Variants in SSBP2 observed in about 807,000 individuals in gnomAD.
SSBP2 encodes the protein single stranded DNA binding protein 2.
Under a neutral mutation model 61.8 loss-of-function variants are expected in SSBP2, and 17 were observed. The ratio of observed to expected loss-of-function variants is 0.28; its 90% confidence interval spans 0.19 to 0.41. The LOEUF is 0.41. SSBP2 is among the 10% of genes least tolerant of loss of function. The pLI, the probability that SSBP2 is intolerant of heterozygous loss-of-function variation, is 1.00. For missense variants in SSBP2, 310 were observed against 458.7 expected, an observed-to-expected ratio of 0.68 and a Z score of 2.96; for synonymous variants, 139 against 141.3, an observed-to-expected ratio of 0.98 and a Z score of 0.12.
intron 1 of SSBP2, among the ~76,000 whole-genome samples, chr5:81,680,103 C>T (rs1752275868): frequency 6.6e-6 from 1 of 151,782 alleles, no homozygotes; most frequent in African/African-American, 2.4e-5. Context: ...CCACCCTGTT[C>T]TTGGGCCTTT....
intron 3 of SSBP2, among the ~76,000 whole-genome samples, chr5:81,625,404 T>G (rs1187465129): frequency 6.6e-6 from 1 of 151,962 alleles, no homozygotes; most frequent in Non-Finnish European, 1.5e-5. Flanking sequence ...TCAGTTCCTC[T>G]AATCCTACAA....
intron 2 of SSBP2, among the ~76,000 whole-genome samples, chr5:81,646,543 G>A (rs1340009153): frequency 1.3e-5 from 2 of 150,626 alleles, no homozygotes; most frequent in Non-Finnish European, 1.5e-5. Context: ...CTGCCTGATC[G>A]AAGAGAAACT....
chr5:81,672,894 A>G (rs974764788), intron 1 of SSBP2, among the ~76,000 whole-genome samples: 4 of 149,834 alleles, frequency 2.7e-5, no homozygotes, highest in African/African-American at 4.9e-5. Flanking sequence ...TTTTTTAAAC[A>G]GTCTCGTGCT....
chr5:81,678,145 AGGC>A (rs1449341235), intron 1 of SSBP2, among the ~76,000 whole-genome samples: 1 of 152,208 alleles, frequency 6.6e-6, no homozygotes, highest in Admixed American at 6.5e-5. Context: ...TAATATGCTA[AGGC>A]TTTAATGAAA....
chr5:81,515,648 T>C (rs928363823), intron 4 of SSBP2, among the ~76,000 whole-genome samples: 1 of 151,836 alleles, frequency 6.6e-6, no homozygotes, highest in African/African-American at 2.4e-5. Context: ...AAGAAACATG[T>C]AAAATTCACA....
chr5:81,659,077 C>G (rs1425848530), intron 1 of SSBP2, among the ~76,000 whole-genome samples: 3 of 152,064 alleles, frequency 2.0e-5, no homozygotes, highest in African/African-American at 4.8e-5. Context: ...TGGGTAAAAG[C>G]TGGAAGCATA....
chr5:81,428,490 A>T, intron 16 of SSBP2, 95 bp downstream of exon 16: 1 of 829,608 alleles, frequency 1.2e-6, no homozygotes, highest in South Asian at 1.6e-5. Context: ...GTTGAACTCT[A>T]GATAAACAGC....
chr5:81,530,500 C>T (rs1384981805), intron 4 of SSBP2, among the ~76,000 whole-genome samples: 1 of 151,908 alleles, frequency 6.6e-6, no homozygotes, highest in African/African-American at 2.4e-5. Context: ...TTACACAACC[C>T]CATTTGTTTT....
intron 14 of SSBP2, chr5:81,437,676 G>A (rs958211040): frequency 9.2e-5 from 27 of 293,536 alleles, no homozygotes; most frequent in Non-Finnish European, 1.5e-4. Flanking sequence ...GTTCCCAATC[G>A]TTTTTTTTTT....
intron 15 of SSBP2, among the ~76,000 whole-genome samples, chr5:81,429,922 T>A (rs1244103871): frequency 6.6e-6 from 1 of 152,186 alleles, no homozygotes; most frequent in Non-Finnish European, 1.5e-5. Context: ...TGGAGCTCTC[T>A]GTGTCAAGAA....
At chr5:81,460,464 TG>T (rs1300421890) in intron 10 of SSBP2, among the ~76,000 whole-genome samples, 1 of 152,116 alleles carries the variant, frequency 6.6e-6, no homozygotes, top group African/African-American at 2.4e-5. Context: ...CATATTTCTG[TG>T]ACATTATTAA....
chr5:81,704,273 ATCTC>A (rs571632557), intron 1 of SSBP2, among the ~76,000 whole-genome samples: 6 of 152,246 alleles, frequency 3.9e-5, no homozygotes, highest in Non-Finnish European at 8.8e-5. Context: ...AAAAACTCTA[ATCTC>A]ACATATGCTT....
chr5:81,517,502 T>C (rs1377031238), intron 4 of SSBP2, among the ~76,000 whole-genome samples: 2 of 152,018 alleles, frequency 1.3e-5, no homozygotes, highest in Non-Finnish European at 1.5e-5. Flanking sequence ...AATTAAAGTA[T>C]GGAACAATTA....
At chr5:81,607,968 G>GT (rs1363060978) in intron 4 of SSBP2, among the ~76,000 whole-genome samples, 4 of 152,108 alleles carry the variant, frequency 2.6e-5, no homozygotes, top group African/African-American at 7.2e-5. Context: ...ACCTAGTGTG[G>GT]TAAGTATTTA....
chr5:81,589,844 T>C (rs907456047), intron 4 of SSBP2, among the ~76,000 whole-genome samples: 3 of 152,002 alleles, frequency 2.0e-5, no homozygotes, highest in Non-Finnish European at 2.9e-5. Flanking sequence ...GACACCATCA[T>C]ATGGGTGAGA....
intron 1 of SSBP2, among the ~76,000 whole-genome samples, chr5:81,710,980 C>T (rs903950646): frequency 6.6e-6 from 1 of 152,044 alleles, no homozygotes; most frequent in African/African-American, 2.4e-5. Context: ...AAGAGCCAGG[C>T]AAGGAACTGT....
chr5:81,726,954 C>T (rs1033822633), intron 1 of SSBP2, among the ~76,000 whole-genome samples: 2 of 152,166 alleles, frequency 1.3e-5, no homozygotes, highest in Non-Finnish European at 2.9e-5. Context: ...TTACTCTGTA[C>T]GCCATTCAAT....
intron 1 of SSBP2, among the ~76,000 whole-genome samples, chr5:81,746,836 C>G (rs900413271): frequency 2.0e-5 from 3 of 152,044 alleles, no homozygotes; most frequent in African/African-American, 7.2e-5. Context: ...TCTTTCTGTG[C>G]TTTACATAAA....
chr5:81,601,401 A>G (rs771925326), intron 4 of SSBP2, among the ~76,000 whole-genome samples: 1 of 152,180 alleles, frequency 6.6e-6, no homozygotes, highest in Non-Finnish European at 1.5e-5. Context: ...AAACCTACAT[A>G]TATGATAAAA....
Sources: gnomAD v4.1 joint callset for allele counts (sites outside exome capture counted in the v4.1 genomes callset) on GRCh38, gnomAD v4.1.1 for gene constraint, MANE v1.5 for transcripts, NCBI Gene and HGNC (gene_info 2026-07-23, HGNC 2026-07-21) for gene names.